CALB2: variants seen among roughly 807,000 people sequenced by gnomAD.
CALB2 encodes the protein calbindin 2, also known as calretinin.
Under a neutral mutation model 45.9 loss-of-function variants are expected in CALB2, and 34 were observed. That is an observed-to-expected ratio of 0.74 (90% CI 0.56 to 0.99). The LOEUF is 0.99. Ranked by LOEUF, CALB2 falls within the 50% of genes least tolerant of loss-of-function variation. CALB2 has a pLI of 0.00. For synonymous variants in CALB2, 142 were observed against 129.6 expected (o/e 1.10, Z -0.65); for missense variants, 344 against 339.3 (o/e 1.01, Z -0.11).
intron 4 of CALB2, among the ~76,000 whole-genome samples, chr16:71,379,754 C>T (rs763763715): frequency 3.3e-5 from 5 of 152,138 alleles, no homozygotes; most frequent in Non-Finnish European, 5.9e-5. Context: ...GGCCCAGAAG[C>T]CTGTGTGGCA....
intron 4 of CALB2, among the ~76,000 whole-genome samples, chr16:71,380,023 T>A (rs1373658487): frequency 6.6e-6 from 1 of 152,128 alleles, no homozygotes; most frequent in Non-Finnish European, 1.5e-5. Flanking sequence ...TGTCAGGGTG[T>A]TGCTTTTGTA....
chr16:71,389,606 A>G (rs2145010751), intron 10 of CALB2, 143 bp from the exon 11 acceptor site: 1 of 765,084 alleles, frequency 1.3e-6, no homozygotes, highest in South Asian at 1.4e-5. Flanking sequence ...TCCAAAATCC[A>G]TGCTTTGCAT....
intron 1 of CALB2, among the ~76,000 whole-genome samples, chr16:71,365,101 C>G (rs2042270463): frequency 6.6e-6 from 1 of 152,174 alleles, no homozygotes; most frequent in Admixed American, 6.5e-5. Context: ...CAATTTCTTA[C>G]CCCAAAGGGT....
intron 1 of CALB2, 143 bp from the exon 2 acceptor site, chr16:71,372,010 C>A: frequency 1.5e-6 from 1 of 649,644 alleles, no homozygotes; most frequent in South Asian, 1.8e-5. Flanking sequence ...AGGGCTGGAC[C>A]CACACCCCTA....
chr16:71,366,189 G>A (rs1209449723), intron 1 of CALB2, among the ~76,000 whole-genome samples: 4 of 150,278 alleles, frequency 2.7e-5, no homozygotes, highest in Admixed American at 2.0e-4. Context: ...ACCACGCCCG[G>A]CTAATTTTTT....
At chr16:71,380,254 ATTTC>A (rs1456478038) in intron 4 of CALB2, among the ~76,000 whole-genome samples, 3 of 89,236 alleles carry the variant, frequency 3.4e-5, no homozygotes, top group Non-Finnish European at 4.6e-5. Flanking sequence ...AGCTGACAGG[ATTTC>A]TTTCTTTTCT....
chr16:71,372,260 G>A (rs1050426188), intron 2 of CALB2, 31 bp downstream of exon 2: 1 of 1,537,394 alleles, frequency 6.5e-7, no homozygotes, highest in Non-Finnish European at 9.0e-7. Context: ...GATTGTGTGG[G>A]ATTTTCCTGA....
chr16:71,371,780 C>T (rs1333533383), intron 1 of CALB2, among the ~76,000 whole-genome samples: 1 of 152,176 alleles, frequency 6.6e-6, no homozygotes, highest in Admixed American at 6.5e-5. Flanking sequence ...ACCTTCTGAA[C>T]TCCAGGGACC....
chr16:71,360,801 G>A (rs991844024), intron 1 of CALB2, among the ~76,000 whole-genome samples: 4 of 152,208 alleles, frequency 2.6e-5, no homozygotes, highest in African/African-American at 9.7e-5. Context: ...ATACAGATGA[G>A]GAAACAGACA....
intron 1 of CALB2, among the ~76,000 whole-genome samples, chr16:71,363,394 T>C (rs1406217892): frequency 1.3e-5 from 2 of 152,156 alleles, no homozygotes; most frequent in African/African-American, 2.4e-5. Context: ...CTTATCTATG[T>C]GGACCCTGAG....
chr16:71,388,346 A>AAG (rs112542398), intron 10 of CALB2, among the ~76,000 whole-genome samples: 20,516 of 135,358 alleles, frequency 0.15, 2,019 homozygotes, highest in South Asian at 0.28. Flanking sequence ...AAAAAAAAAA[A>AAG]AAAAAGAAAA....
intron 5 of CALB2, among the ~76,000 whole-genome samples, 193 bp from the exon 6 acceptor site, chr16:71,383,174 C>A (rs2042520046): frequency 6.6e-6 from 1 of 152,156 alleles, no homozygotes; most frequent in Non-Finnish European, 1.5e-5. Flanking sequence ...GGCAGGGTTG[C>A]ACCACCAGCT....
chr16:71,376,950 T>C (rs969508867), intron 3 of CALB2, among the ~76,000 whole-genome samples: 3 of 152,148 alleles, frequency 2.0e-5, no homozygotes, highest in East Asian at 1.9e-4. Context: ...TTCCCCGACA[T>C]TGCATTGGGC....
At chr16:71,370,569 T>C (rs189738465) in intron 1 of CALB2, among the ~76,000 whole-genome samples, 1 of 152,254 alleles carries the variant, frequency 6.6e-6, no homozygotes, top group Admixed American at 6.5e-5. Flanking sequence ...ATCCATATTT[T>C]TTTTAAGATC....
At chr16:71,369,779 G>GAGA (rs2042326773) in intron 1 of CALB2, among the ~76,000 whole-genome samples, 1 of 5,122 alleles carries the variant, frequency 2.0e-4, no homozygotes, top group South Asian at 5.1e-3. Context: ...CAAAGCCTCC[G>GAGA]AGAAGAATGT....
intron 10 of CALB2, among the ~76,000 whole-genome samples, chr16:71,387,050 T>C (rs1227677325): frequency 6.6e-6 from 1 of 152,216 alleles, no homozygotes; most frequent in Non-Finnish European, 1.5e-5. Flanking sequence ...TTGGGCACCA[T>C]AGTGGAAAAT....
At chr16:71,363,298 T>C (rs1193555394) in intron 1 of CALB2, among the ~76,000 whole-genome samples, 1 of 152,214 alleles carries the variant, frequency 6.6e-6, no homozygotes, top group African/African-American at 2.4e-5. Flanking sequence ...GATCTGCCTA[T>C]ACTCTTCTGG....
chr16:71,387,576 G>A (rs1418047825), intron 10 of CALB2, among the ~76,000 whole-genome samples: 1 of 152,160 alleles, frequency 6.6e-6, no homozygotes, highest in East Asian at 1.9e-4. Context: ...GAGGGGACAG[G>A]CTGATGGGAT....
Position 71,389,843 on chromosome 16 carries a change from T to A in CALB2, c.794T>A (p.Leu265His), listed in dbSNP as rs1252581462. 6.2e-7 allele frequency: 1 copy of A among 1,613,476 alleles called. No individual in the cohort carries two copies. The highest frequency in any genetic ancestry group is 2.2e-5 in the East Asian group (1 of 44,878). The part of the protein sequence containing the change: ...KLYRKDLEIV[L>H]CSEPPM ...TACCGCAAGGACCTGGAGATTGTGCTCTGCAGCGAGCCCCCCATGTAAAGT... is the reference window on the plus strand; with the variant it reads ...TACCGCAAGGACCTGGAGATTGTGCACTGCAGCGAGCCCCCCATGTAAAGT... Residue 265 changes from leucine to histidine, a missense_variant, in exon 11 of 11, where the codon CTC becomes CAC. Leu to His is a moderately conservative substitution (Grantham distance 99). Coordinates refer to ENST00000302628, the MANE Select transcript of CALB2 (RefSeq NM_001740.5).
Sources: allele counts gnomAD v4.1 joint callset (sites outside exome capture counted in the v4.1 genomes callset), GRCh38; gene constraint gnomAD v4.1.1; transcripts MANE v1.5; gene names NCBI Gene and HGNC (gene_info 2026-07-23, HGNC 2026-07-21).